The following NRXN3 variants were observed in gnomAD, a reference collection of about 807,000 sequenced individuals.
NRXN3 encodes the protein neurexin 3.
A neutral mutation model predicts 137.6 loss-of-function variants in NRXN3; 32 were observed. The observed-to-expected ratio is 0.23, with a 90% confidence interval of 0.18 to 0.31. The LOEUF (loss-of-function observed/expected upper bound fraction) is 0.31, where lower values mean the gene tolerates loss of function less well. NRXN3 is among the 10% of genes least tolerant of loss of function. The pLI is 1.00. For synonymous variants in NRXN3, 798 were observed against 784.5 expected (o/e 1.02, Z -0.29); for missense variants, 1,574 against 2,062.5 (o/e 0.76, Z 4.59).
intron 15 of NRXN3, among the ~76,000 whole-genome samples, chr14:79,221,242 C>G (rs151280633): frequency 0.027 from 4,181 of 152,038 alleles, 138 homozygotes; most frequent in South Asian, 0.087. Flanking sequence ...ATAGTAGAAT[C>G]ATTTATTATC....
At chr14:79,400,809 G>A (rs1457555078) in intron 15 of NRXN3, among the ~76,000 whole-genome samples, 1 of 152,132 alleles carries the variant, frequency 6.6e-6, no homozygotes, top group Non-Finnish European at 1.5e-5. Context: ...GATTGGAGGT[G>A]GCTATTGTGA....
chr14:78,560,873 T>C lies in NRXN3; in HGVS notation c.758-84247T>C, dbSNP rs547349893. Among the ~76,000 whole-genome samples, 4 of 152,370 alleles carry C rather than the reference T, an allele frequency of 2.6e-5. No homozygotes were observed. The East Asian group carries it at 7.7e-4, about 29-fold the overall frequency. Reference sequence around the variant, plus strand: ...AGCTACTCTGAAATAGAATTGCTTTTAGGTTTCAGGTCTTCATTTATAGAG... The same window carrying C: ...AGCTACTCTGAAATAGAATTGCTTTCAGGTTTCAGGTCTTCATTTATAGAG... On this transcript the variant is annotated intron_variant, in intron 4 of 20. Transcript: ENST00000335750.
At chr14:79,340,741 G>A (rs980191405) in intron 15 of NRXN3, among the ~76,000 whole-genome samples, 2 of 152,212 alleles carry the variant, frequency 1.3e-5, no homozygotes, top group Non-Finnish European at 1.5e-5. Flanking sequence ...TGGGATTACA[G>A]GCGTAAGCCA....
intron 17 of NRXN3, among the ~76,000 whole-genome samples, chr14:79,688,085 G>A (rs1030847335): frequency 6.2e-4 from 94 of 152,164 alleles, no homozygotes; most frequent in African/African-American, 2.1e-3. Context: ...AATAGAATAT[G>A]GTCATCTTTT....
chr14:78,315,027 T>C (rs897861627), intron 4 of NRXN3, among the ~76,000 whole-genome samples: 1 of 150,464 alleles, frequency 6.6e-6, no homozygotes, highest in African/African-American at 2.5e-5. Flanking sequence ...TTTATTTTTT[T>C]TTGAGACAGG....
chr14:79,594,941 T>C (rs1405394455), intron 16 of NRXN3, among the ~76,000 whole-genome samples: 1 of 152,192 alleles, frequency 6.6e-6, no homozygotes, highest in Admixed American at 6.5e-5. Flanking sequence ...TTTCACATGT[T>C]AGGCAATTCC....
intron 6 of NRXN3, among the ~76,000 whole-genome samples, chr14:78,678,108 C>T (rs757056756): frequency 6.6e-6 from 1 of 152,004 alleles, no homozygotes; most frequent in Non-Finnish European, 1.5e-5. Flanking sequence ...TCACTGAACC[C>T]ACAATATTAA....
chr14:79,057,023 T>C (rs2099666325), intron 15 of NRXN3, among the ~76,000 whole-genome samples: 1 of 151,568 alleles, frequency 6.6e-6, no homozygotes, highest in South Asian at 2.1e-4. Flanking sequence ...TTGTATGTTA[T>C]AAGATGATTG....
intron 10 of NRXN3, among the ~76,000 whole-genome samples, chr14:78,815,479 C>CTTTTTTTGTTTTTTTTTTT (rs2098929342): frequency 1.2e-5 from 1 of 84,432 alleles, no homozygotes; most frequent in Non-Finnish European, 2.2e-5. Context: ...TTGTTTCTTT[C>CTTTTTTTGTTTTTTTTTTT]TTTTTTTTTT....
intron 4 of NRXN3, among the ~76,000 whole-genome samples, chr14:78,396,186 ACACT>A (rs752365479): frequency 3.9e-5 from 6 of 152,012 alleles, no homozygotes; most frequent in Non-Finnish European, 5.9e-5. Flanking sequence ...CATGCCACAC[ACACT>A]CACACAATCA....
intron 4 of NRXN3, among the ~76,000 whole-genome samples, chr14:78,407,479 T>A (rs759006910): frequency 1.3e-5 from 2 of 152,196 alleles, no homozygotes; most frequent in African/African-American, 2.4e-5. Context: ...AGGCCATTTT[T>A]TTCCTGTGTT....
At chr14:78,551,799 T>G (rs1312548802) in intron 4 of NRXN3, among the ~76,000 whole-genome samples, 1 of 151,058 alleles carries the variant, frequency 6.6e-6, no homozygotes, top group African/African-American at 2.4e-5. Flanking sequence ...CATTCCTCCC[T>G]GGAGTTCTCC....
intron 15 of NRXN3, among the ~76,000 whole-genome samples, chr14:79,380,619 C>G (rs906022671): frequency 1.3e-5 from 2 of 152,074 alleles, no homozygotes; most frequent in Admixed American, 1.3e-4. Context: ...TGGGTTGGTT[C>G]CAAGTCTTTG....
At chr14:78,285,118 CT>C (rs1177877498) in intron 3 of NRXN3, among the ~76,000 whole-genome samples, 1 of 152,146 alleles carries the variant, frequency 6.6e-6, no homozygotes, top group Non-Finnish European at 1.5e-5. Context: ...ATCAGATGAC[CT>C]TTCAGGCTTC....
rs143653573 is a variant in NRXN3 at position 78,636,382 on chromosome 14, G to A, written c.758-8738G>A. ...GCCTAAAGGAGAACTCACAAGCCTT[G>A]TAGAAAGAAATAGAGTAAAAGGCAG... is the stretch of plus-strand genomic sequence containing the variant. On this transcript the variant is annotated intron_variant, in intron 4 of 20. Coordinates refer to ENST00000335750, the MANE Select transcript of NRXN3 (RefSeq NM_001330195.2). Among the ~76,000 whole-genome samples, 38 of 152,266 alleles carry A rather than the reference G, an allele frequency of 2.5e-4. 1 individual carries two copies. The East Asian group carries it at 7.3e-3, about 29-fold the overall frequency.
chr14:78,383,861 C>T (rs1485432679), intron 4 of NRXN3, among the ~76,000 whole-genome samples: 1 of 152,112 alleles, frequency 6.6e-6, no homozygotes, highest in Non-Finnish European at 1.5e-5. Flanking sequence ...AATTTTTGTA[C>T]CTTGACCTTA....
At chr14:79,252,424 C>A (rs987338264) in intron 15 of NRXN3, among the ~76,000 whole-genome samples, 4 of 152,158 alleles carry the variant, frequency 2.6e-5, no homozygotes, top group Non-Finnish European at 5.9e-5. Flanking sequence ...TTTTCCTCTT[C>A]TTATTTCTGT....
chr14:79,079,275 C>G (rs79006597), intron 15 of NRXN3, among the ~76,000 whole-genome samples: 1 of 152,134 alleles, frequency 6.6e-6, no homozygotes, highest in Non-Finnish European at 1.5e-5. Context: ...AAATAAATTC[C>G]TTTGTGAAAC....
At position 78,254,997 on chromosome 14, in the gene NRXN3, G is replaced by A. The variant is rs567860056; in HGVS notation, c.709+11195G>A. 2.6e-5 allele frequency among the ~76,000 whole-genome samples: 4 copies of A among 151,998 alleles called. No homozygotes were observed. The South Asian group carries it at 8.3e-4, about 32-fold the overall frequency. On this transcript the variant is annotated intron_variant, in intron 2 of 20. Transcript: ENST00000335750. ...GTATCTCATGTTTTTGGCACTGTTGGGCAGAAGTCTCCCAGGGAAAGGGCT... is the reference window on the plus strand; with the variant it reads ...GTATCTCATGTTTTTGGCACTGTTGAGCAGAAGTCTCCCAGGGAAAGGGCT...
Sources: gnomAD v4.1 joint callset for allele counts (sites outside exome capture counted in the v4.1 genomes callset) on GRCh38, gnomAD v4.1.1 for gene constraint, MANE v1.5 for transcripts, NCBI Gene and HGNC (gene_info 2026-07-23, HGNC 2026-07-21) for gene names.